CSMD1: variants seen among roughly 807,000 people sequenced by gnomAD.
CSMD1 encodes CUB and Sushi multiple domains 1.
A neutral mutation model predicts 417.5 loss-of-function variants in CSMD1; 213 were observed. The ratio of observed to expected loss-of-function variants is 0.51; its 90% CI spans 0.46 to 0.57. The LOEUF (loss-of-function observed/expected upper bound fraction) is 0.57. CSMD1 is among the 20% of genes least tolerant of loss of function. The pLI, the probability that CSMD1 is intolerant of heterozygous loss-of-function variation, is 0.00. For missense variants in CSMD1, 6,923 were observed against 4,529.7 expected (o/e 1.53, Z -15.17); for synonymous variants, 2,862 against 1,736.8 (o/e 1.65, Z -16.11).
intron 7 of CSMD1, among the ~76,000 whole-genome samples, chr8:3,659,022 G>A (rs553363892): frequency 2.0e-5 from 3 of 152,160 alleles, no homozygotes; most frequent in Non-Finnish European, 4.4e-5. Flanking sequence ...CCTCAGAGCA[G>A]TGTCATTTAA....
At chr8:4,259,822 T>G (rs1803744182) in intron 3 of CSMD1, among the ~76,000 whole-genome samples, 1 of 152,200 alleles carries the variant, frequency 6.6e-6, no homozygotes, top group African/African-American at 2.4e-5. Context: ...ATTTGGCACA[T>G]TACTCATAAT....
At chr8:3,408,451 T>C (rs1184091325) in intron 13 of CSMD1, among the ~76,000 whole-genome samples, 1 of 151,246 alleles carries the variant, frequency 6.6e-6, no homozygotes, top group Non-Finnish European at 1.5e-5. Context: ...CTATACATAA[T>C]CAAGCACAAG....
chr8:3,461,511 T>C (rs151317186), intron 12 of CSMD1, among the ~76,000 whole-genome samples: 10 of 152,250 alleles, frequency 6.6e-5, no homozygotes, highest in Non-Finnish European at 1.5e-4. Context: ...CTGATTGAGA[T>C]CTCTGCTCCC....
intron 5 of CSMD1, among the ~76,000 whole-genome samples, chr8:3,936,208 G>A (rs117374032): frequency 4.0e-5 from 6 of 150,418 alleles, no homozygotes; most frequent in South Asian, 4.2e-4. Context: ...AGCCATCTGC[G>A]TAACATAAAA....
intron 5 of CSMD1, among the ~76,000 whole-genome samples, chr8:3,952,137 A>T (rs1004430749): frequency 4.6e-5 from 7 of 152,176 alleles, no homozygotes; most frequent in Non-Finnish European, 8.8e-5. Context: ...AGTGGTTCAC[A>T]AAGTATGGTC....
intron 15 of CSMD1, among the ~76,000 whole-genome samples, chr8:3,402,417 TC>T (rs1424930771): frequency 6.6e-6 from 1 of 152,188 alleles, no homozygotes; most frequent in Non-Finnish European, 1.5e-5. Flanking sequence ...TAGTCATTTT[TC>T]CCCAAAATAG....
At chr8:4,260,410 T>C (rs938911674) in intron 3 of CSMD1, among the ~76,000 whole-genome samples, 31 of 152,218 alleles carry the variant, frequency 2.0e-4, no homozygotes, top group African/African-American at 7.5e-4. Context: ...CTAAAAATTA[T>C]ACTTTTATTA....
intron 2 of CSMD1, among the ~76,000 whole-genome samples, chr8:4,580,077 A>G (rs1238079023): frequency 1.3e-5 from 2 of 152,180 alleles, no homozygotes; most frequent in Non-Finnish European, 2.9e-5. Flanking sequence ...TTTTGTTTCT[A>G]TATTTAAAGA....
chr8:4,391,991 C>T (rs1407615703), intron 3 of CSMD1, among the ~76,000 whole-genome samples: 1 of 152,126 alleles, frequency 6.6e-6, no homozygotes, highest in East Asian at 1.9e-4. Flanking sequence ...CTAGTCAACA[C>T]CAAGCATCAA....
At chr8:2,955,113 A>T (rs1802908256) in intron 64 of CSMD1, among the ~76,000 whole-genome samples, 1 of 152,246 alleles carries the variant, frequency 6.6e-6, no homozygotes, top group South Asian at 2.1e-4. Context: ...TAAAAAGCAG[A>T]ATCAATGTCA....
intron 3 of CSMD1, among the ~76,000 whole-genome samples, chr8:4,207,698 C>G (rs757442323): frequency 1.4e-4 from 21 of 151,978 alleles, no homozygotes; most frequent in Non-Finnish European, 2.6e-4. Context: ...TCAAAAGAAA[C>G]ATTTTTCTGA....
At chr8:3,830,074 T>A (rs1025067838) in intron 5 of CSMD1, among the ~76,000 whole-genome samples, 2 of 152,214 alleles carry the variant, frequency 1.3e-5, no homozygotes, top group South Asian at 4.1e-4. Flanking sequence ...ACAAATCACC[T>A]TAATTTTCTT....
chr8:3,272,563 G>A lies in CSMD1; in HGVS notation c.4153+11581C>T, dbSNP rs1362903062. ...CGATATTGATTCTTCCTACCCATGAGCATGGAATGTTCTTCCATTTGTTTG... is the reference window on the plus strand; with the variant it reads ...CGATATTGATTCTTCCTACCCATGAACATGGAATGTTCTTCCATTTGTTTG... On this transcript the variant is annotated intron_variant, in intron 26 of 69. Coordinates refer to ENST00000635120, the MANE Select transcript of CSMD1 (RefSeq NM_033225.6). 1.1e-4 allele frequency among the ~76,000 whole-genome samples: 15 copies of A among 137,454 alleles called. 2 individuals are homozygous for A. Among genetic ancestry groups the A allele is most frequent in the Non-Finnish European group, 1.6e-4 (10 of 63,660 alleles). 90.2% of individuals were successfully genotyped at this position (137,454 alleles called of 152,430 possible). A position where few individuals can be genotyped will look rare whatever the true frequency, so the allele number is the denominator to read the frequency against.
chr8:4,763,401 T>C (rs1008515489), intron 1 of CSMD1, among the ~76,000 whole-genome samples: 1 of 152,160 alleles, frequency 6.6e-6, no homozygotes, highest in Non-Finnish European at 1.5e-5. Context: ...GTTAATTCAG[T>C]CTGTGCTGAG....
At chr8:4,944,702 G>T (rs77177705) in intron 1 of CSMD1, among the ~76,000 whole-genome samples, 1 of 152,036 alleles carries the variant, frequency 6.6e-6, no homozygotes, top group Admixed American at 6.6e-5. Context: ...TCACACCCAC[G>T]CAGATGACTA....
intron 3 of CSMD1, among the ~76,000 whole-genome samples, chr8:4,353,716 A>G (rs1187053648): frequency 2.0e-5 from 3 of 151,438 alleles, no homozygotes; most frequent in Non-Finnish European, 4.4e-5. Flanking sequence ...CTTCTTTGTG[A>G]ACCACAGTTT....
chr8:3,888,450 T>TA (rs1226315712), intron 5 of CSMD1, among the ~76,000 whole-genome samples: 1 of 152,150 alleles, frequency 6.6e-6, no homozygotes, highest in Non-Finnish European at 1.5e-5. Context: ...TGCAAATGCA[T>TA]AATTAAAAAG....
intron 3 of CSMD1, among the ~76,000 whole-genome samples, chr8:4,224,739 G>A (rs12334970): frequency 0.41 from 63,041 of 152,044 alleles, 13,525 homozygotes; most frequent in South Asian, 0.63. Context: ...AGCTTTTGGT[G>A]CATTCTCCCC....
intron 1 of CSMD1, among the ~76,000 whole-genome samples, chr8:4,806,289 T>A (rs1053798538): frequency 2.0e-5 from 3 of 152,106 alleles, no homozygotes; most frequent in Admixed American, 1.3e-4. Context: ...CAAGTCCCGC[T>A]ACACCCTAGG....
Sources: allele counts gnomAD v4.1 joint callset (sites outside exome capture counted in the v4.1 genomes callset), GRCh38; gene constraint gnomAD v4.1.1; transcripts MANE v1.5; gene names NCBI Gene and HGNC (gene_info 2026-07-23, HGNC 2026-07-21).